The following TRAK1 variants were observed in gnomAD, a reference collection of about 807,000 sequenced individuals.
TRAK1 encodes trafficking kinesin-binding protein 1.
TRAK1 carries 33 observed loss-of-function variants against 92.1 expected under a neutral mutation model. The observed-to-expected ratio is 0.36, with a 90% CI of 0.27 to 0.48. The LOEUF (loss-of-function observed/expected upper bound fraction) is 0.48. Ranked by LOEUF, TRAK1 falls within the 20% of genes least tolerant of loss-of-function variation. The pLI is 0.99. For synonymous variants in TRAK1, 521 were observed against 517.3 expected (o/e 1.01, Z -0.10); for missense variants, 1,123 against 1,257.9 (o/e 0.89, Z 1.62).
At chr3:42,176,978 C>T (rs920818265) in intron 3 of TRAK1, 88 bp downstream of exon 3, 23 of 1,230,272 alleles carry the variant, frequency 1.9e-5, no homozygotes, top group Non-Finnish European at 2.2e-5. Flanking sequence ...TCACCTGTTT[C>T]AGTGAGGAAT....
rs549592111 is a variant in TRAK1, at chr3:42,142,249, T to C, written c.286+16635T>C. Among the ~76,000 whole-genome samples, 42 of 152,334 alleles carry C rather than the reference T, an allele frequency of 2.8e-4. No homozygotes were observed. The South Asian group carries it at 6.4e-3, about 23-fold the overall frequency. On this transcript the variant is annotated intron_variant, in intron 2 of 15. Transcript: ENST00000327628. ...TGGAGGGGCCACCTTCAACCTGATG[T>C]CTTTTCCTGAAATTACAGATTATTT...
intron 2 of TRAK1, among the ~76,000 whole-genome samples, chr3:42,173,186 C>T (rs1018180096): frequency 6.6e-6 from 1 of 152,096 alleles, no homozygotes; most frequent in Non-Finnish European, 1.5e-5. Context: ...TTTATGGTGG[C>T]TCCTTTATTT....
upstream of TRAK1, among the ~76,000 whole-genome samples, chr3:42,090,542 C>T (rs1269178818): frequency 2.0e-5 from 3 of 152,122 alleles, no homozygotes; most frequent in Admixed American, 6.5e-5. Context: ...AAAAACTAGC[C>T]AGGCATGGTG....
Position 42,202,836 on chromosome 3 carries a change from C to T in TRAK1, c.1744+84C>T. ...GATCCACCTGCGGAAGGCGGGGCACCTCTGTCACGCCTACTCCTTTTTCTT... is the reference window on the plus strand; with the variant it reads ...GATCCACCTGCGGAAGGCGGGGCACTTCTGTCACGCCTACTCCTTTTTCTT... On this transcript the variant is annotated intron_variant, in intron 13 of 15. Transcript: ENST00000327628. This position sits in a 1 kb window ranked among gnomAD's most constrained non-coding sequence, Gnocchi z 6.1. 1 of 1,568,162 alleles carries T rather than the reference C, an allele frequency of 6.4e-7. No homozygotes were observed. Among genetic ancestry groups the T allele is most frequent in the East Asian group, 2.3e-5 (1 of 43,320 alleles).
chr3:42,134,230 C>T (rs1010270099), intron 2 of TRAK1, among the ~76,000 whole-genome samples: 51 of 30,230 alleles, frequency 1.7e-3, no homozygotes, highest in African/African-American at 6.1e-3. Context: ...TCTCCTCTCC[C>T]CTTCCCTCCC....
At position 42,149,788 on chromosome 3, in the gene TRAK1, C is replaced by T. The variant is rs185086303; in HGVS notation, c.286+24174C>T. Among the ~76,000 whole-genome samples the T allele has an allele frequency of 9.3e-4, 141 of 152,060 alleles. 1 individual carries two copies. The South Asian group carries it at 0.015, about 16-fold the overall frequency. On this transcript the variant is annotated intron_variant, in intron 2 of 15. Coordinates refer to ENST00000327628, the MANE Select transcript of TRAK1 (RefSeq NM_001042646.3). ...GTGGCAGGTGGGCAGGGCTCTTTACCGTGAAAGACTCCTGCAGTATGTATG... is the reference window on the plus strand; with the variant it reads ...GTGGCAGGTGGGCAGGGCTCTTTACTGTGAAAGACTCCTGCAGTATGTATG...
At chr3:42,090,838 C>T (rs1704986914), upstream of TRAK1, among the ~76,000 whole-genome samples, 2 of 152,212 alleles carry the variant, frequency 1.3e-5, no homozygotes, top group African/African-American at 2.4e-5. Flanking sequence ...GTGTTTAGCA[C>T]TGGCTTGGTA....
chr3:42,068,221 T>A (rs1703764616), intron 1 of TRAK1, among the ~76,000 whole-genome samples: 1 of 152,034 alleles, frequency 6.6e-6, no homozygotes, highest in Non-Finnish European at 1.5e-5. Flanking sequence ...AGCAGTGGTG[T>A]GATCATAGCT....
At chr3:42,114,419 C>G (rs188172348) in intron 1 of TRAK1, among the ~76,000 whole-genome samples, 2 of 152,334 alleles carry the variant, frequency 1.3e-5, no homozygotes, top group East Asian at 3.9e-4. Context: ...TTAACTTTGT[C>G]ACGTGTACCG....
chr3:42,043,617 G>T (rs1024607505), intron 1 of TRAK1, among the ~76,000 whole-genome samples: 2 of 141,816 alleles, frequency 1.4e-5, no homozygotes, highest in South Asian at 2.4e-4. Context: ...CATGGAGCTG[G>T]GGGGGGGGCG....
Position 42,169,562 on chromosome 3 carries a change from T to C in TRAK1, c.287-7252T>C, listed in dbSNP as rs1288348036. On this transcript the variant is annotated intron_variant, in intron 2 of 15. Transcript: ENST00000327628. ...ATATAAAATGTGGTGATACAGCTAC[T>C]AGGGAGGCTGAGGCAGGAGAATCAC... 4.0e-5 allele frequency among the ~76,000 whole-genome samples: 6 copies of C among 151,802 alleles called. No individual in the cohort carries two copies. The South Asian group carries it at 1.0e-3, about 26-fold the overall frequency.
At chr3:42,219,239 G>C in intron 14 of TRAK1, 1 of 980,348 alleles carries the variant, frequency 1.0e-6, no homozygotes. Flanking sequence ...ACTGGCCCAA[G>C]AATACTGATG....
chr3:42,180,794 T>G (rs890385416), intron 3 of TRAK1, among the ~76,000 whole-genome samples: 2 of 152,148 alleles, frequency 1.3e-5, no homozygotes, highest in Admixed American at 1.3e-4. Context: ...ATTATACTTG[T>G]AGGTATTTTT....
intron 2 of TRAK1, among the ~76,000 whole-genome samples, chr3:42,169,700 G>A (rs547378146): frequency 5.3e-4 from 80 of 151,476 alleles, no homozygotes; most frequent in African/African-American, 1.9e-3. Flanking sequence ...GGGGATAAAA[G>A]TATAAGTTAC....
At chr3:42,089,317 G>A (rs1039963134), upstream of TRAK1, among the ~76,000 whole-genome samples, 5 of 152,074 alleles carry the variant, frequency 3.3e-5, no homozygotes, top group Non-Finnish European at 5.9e-5. Context: ...CTGGATGACC[G>A]CACTGGCCTT....
chr3:42,161,399 C>T (rs568713124), intron 2 of TRAK1, among the ~76,000 whole-genome samples: 6 of 152,018 alleles, frequency 3.9e-5, no homozygotes, highest in South Asian at 2.1e-4. Flanking sequence ...TTTTTTGGGA[C>T]GGGGTCTCAC....
At chr3:42,138,924 T>TGTGTGTGTGTGTGTGTG (rs1491483442) in intron 2 of TRAK1, among the ~76,000 whole-genome samples, 2 of 129,272 alleles carry the variant, frequency 1.5e-5, no homozygotes, top group Admixed American at 7.6e-5. Flanking sequence ...TGTGTGTGTG[T>TGTGTGTGTGTGTGTGTG]TTGGAGGAGG....
intron 8 of TRAK1, 101 bp from the exon 9 acceptor site, chr3:42,193,723 G>T: frequency 8.3e-7 from 1 of 1,205,212 alleles, no homozygotes; most frequent in Non-Finnish European, 1.2e-6. Context: ...GCATGTCCTT[G>T]TAGAAAGTGA....
intron 1 of TRAK1, among the ~76,000 whole-genome samples, chr3:42,103,780 T>C (rs1253355177): frequency 6.6e-6 from 1 of 152,142 alleles, no homozygotes; most frequent in Non-Finnish European, 1.5e-5. Flanking sequence ...ATGCAGAAGA[T>C]GGATGATTTC....
Sources: allele counts gnomAD v4.1 joint callset (sites outside exome capture counted in the v4.1 genomes callset), GRCh38; gene constraint gnomAD v4.1.1; non-coding constraint Gnocchi (gnomAD v3.1); transcripts MANE v1.5; gene names NCBI Gene and HGNC (gene_info 2026-07-23, HGNC 2026-07-21).